Variants in MRPL22 observed in about 807,000 individuals in gnomAD.
MRPL22 encodes mitochondrial ribosomal protein L22.
Under a neutral mutation model 32.4 loss-of-function variants are expected in MRPL22, and 27 were observed. That is an observed-to-expected ratio of 0.83 (90% CI 0.61 to 1.15). The LOEUF is 1.15. Ranked by LOEUF, MRPL22 falls within the 50% of genes most tolerant of loss-of-function variation. The pLI is 0.00. For missense variants in MRPL22, 239 were observed against 260.2 expected (o/e 0.92, Z 0.56); for synonymous variants, 86 against 87.3 (o/e 0.99, Z 0.08).
intron 2 of MRPL22, among the ~76,000 whole-genome samples, chr5:154,949,120 T>G (rs1240587248): frequency 6.6e-6 from 1 of 152,178 alleles, no homozygotes; most frequent in African/African-American, 2.4e-5. Flanking sequence ...GCTTGAGATC[T>G]GCAATCAGCC....
chr5:154,951,053 G>A (rs1378977880), intron 3 of MRPL22, 115 bp downstream of exon 3: 1 of 689,416 alleles, frequency 1.5e-6, no homozygotes, highest in Non-Finnish European at 2.5e-6. Context: ...CACTCTAATT[G>A]ACAGAGAAGA....
chr5:154,952,123 C>T lies in MRPL22; in HGVS notation c.195+1185C>T, dbSNP rs530330858. 5.3e-5 allele frequency among the ~76,000 whole-genome samples: 8 copies of T among 152,140 alleles called. No homozygotes were observed. The South Asian group carries it at 6.2e-4, about 12-fold the overall frequency. ...GTCTCGATCTCCTGACCTCATGATCCGCCTGCCTCGGCCTCCCAAAGTGCT... is the reference window on the plus strand; with the variant it reads ...GTCTCGATCTCCTGACCTCATGATCTGCCTGCCTCGGCCTCCCAAAGTGCT... On this transcript the variant is annotated intron_variant, in intron 3 of 6. Coordinates refer to ENST00000523037, the MANE Select transcript of MRPL22 (RefSeq NM_014180.4).
rs746252366 is a variant in MRPL22, at chr5:154,960,054, G to C, written c.409+5G>C. 7 of 1,584,866 alleles carry C rather than the reference G, an allele frequency of 4.4e-6. No homozygotes were observed. The Admixed American group carries it at 1.0e-4, about 23-fold the overall frequency. ...TCAGGTCCAATTTATATATAGGTAA[G>C]ATTTTTAATATTCTTAGCATTAGAA... On this transcript the variant is annotated splice_donor_5th_base_variant and intron_variant, in intron 6 of 6. Transcript: ENST00000523037.
At position 154,968,395 on chromosome 5, in the gene MRPL22, G is replaced by T. The variant is rs988264226; in HGVS notation, c.*1498G>T. On this transcript the variant is annotated 3_prime_UTR_variant, in exon 7 of 7. Coordinates refer to ENST00000523037, the MANE Select transcript of MRPL22 (RefSeq NM_014180.4). ...AAAGGTAACCTTCATTCTAGTCTGT[G>T]CATTCTCATTAGCCAGAAAGAAGAC... The T allele has an allele frequency of 6.6e-6, 1 of 152,220 alleles. No individual in the cohort carries two copies. Among genetic ancestry groups the T allele is most frequent in the African/African-American group, 2.4e-5 (1 of 41,446 alleles). 9.4% of individuals were successfully genotyped at this position (152,220 alleles called of 1,614,324 possible).
intron 6 of MRPL22, among the ~76,000 whole-genome samples, chr5:154,964,551 C>T (rs775090256): frequency 2.6e-5 from 4 of 152,094 alleles, no homozygotes; most frequent in Admixed American, 1.3e-4. Flanking sequence ...ATTCCCATTA[C>T]GGTGTATTAA....
chr5:154,947,405 A>G (rs1341272216), intron 2 of MRPL22, among the ~76,000 whole-genome samples: 1 of 152,158 alleles, frequency 6.6e-6, no homozygotes, highest in Non-Finnish European at 1.5e-5. Flanking sequence ...TGGCAAAGGT[A>G]TTGATTTTGT....
chr5:154,961,393 T>G (rs1056842524), intron 6 of MRPL22, among the ~76,000 whole-genome samples: 2 of 152,368 alleles, frequency 1.3e-5, no homozygotes, highest in African/African-American at 4.8e-5. Flanking sequence ...CTCTTGGTGA[T>G]TCTTCCTGCT....
At chr5:154,950,243 G>A (rs1764541959) in intron 2 of MRPL22, among the ~76,000 whole-genome samples, 1 of 152,130 alleles carries the variant, frequency 6.6e-6, no homozygotes. Context: ...AAACTGCCCA[G>A]CGATCTAATC....
In MRPL22 at chr5:154,950,820, G is replaced by T. The variant is rs781021559; in HGVS notation, c.78-1G>T. On this transcript the variant is annotated splice_acceptor_variant, in intron 2 of 6. Transcript: ENST00000523037. LOFTEE classifies it high-confidence loss of function. ...TTTTATAGGCTTCTTTCATTTCACAGTGTTTTACCTCAATCATATATCCAC... is the reference window on the plus strand; with the variant it reads ...TTTTATAGGCTTCTTTCATTTCACATTGTTTTACCTCAATCATATATCCAC... 6.3e-7 allele frequency: 1 copy of T among 1,589,018 alleles called. No homozygotes were observed. The highest frequency in any genetic ancestry group is 8.6e-7 in the Non-Finnish European group (1 of 1,157,700).
chr5:154,948,011 T>C (rs1017722165), intron 2 of MRPL22, among the ~76,000 whole-genome samples: 1 of 152,234 alleles, frequency 6.6e-6, no homozygotes. Context: ...GTCTAGATTA[T>C]GAAAGGCCTT....
At chr5:154,943,875 G>T in intron 2 of MRPL22, among the ~76,000 whole-genome samples, 1 of 151,900 alleles carries the variant, frequency 6.6e-6, no homozygotes, top group Non-Finnish European at 1.5e-5. Flanking sequence ...ATATTGCCCG[G>T]CTGGTCTGAA....
chr5:154,956,878 C>A, intron 4 of MRPL22: 1 of 420,456 alleles, frequency 2.4e-6, no homozygotes, highest in Non-Finnish European at 4.2e-6. Flanking sequence ...TGTTACCAAC[C>A]TGTGGTCTCT....
intron 5 of MRPL22, among the ~76,000 whole-genome samples, chr5:154,959,424 G>C (rs1441172377): frequency 6.6e-6 from 1 of 152,088 alleles, no homozygotes; most frequent in East Asian, 1.9e-4. Flanking sequence ...GCTCACTGCA[G>C]CCTCCACCTC....
At chr5:154,946,611 C>G (rs943451758) in intron 2 of MRPL22, among the ~76,000 whole-genome samples, 12 of 149,872 alleles carry the variant, frequency 8.0e-5, no homozygotes, top group Admixed American at 6.7e-5. Context: ...GTCAGGAGTT[C>G]AAGACCAGCC....
rs539003812 is a variant in MRPL22, at chr5:154,946,205, G to A, written c.78-4616G>A. On this transcript the variant is annotated intron_variant, in intron 2 of 6. Transcript: ENST00000523037. ...ATCTTTCAGATTGGTTTGTAGCAAA[G>A]GGGTTCATGTTTCTGTCATGCTGTT... Among the ~76,000 whole-genome samples, 671 of 152,234 alleles carry A rather than the reference G, an allele frequency of 4.4e-3. 3 individuals are homozygous for A. The highest frequency in any genetic ancestry group is 7.8e-3 in the Non-Finnish European group (530 of 68,012).
chr5:154,964,066 G>A (rs1764736978), intron 6 of MRPL22, among the ~76,000 whole-genome samples: 1 of 152,180 alleles, frequency 6.6e-6, no homozygotes, highest in Admixed American at 6.5e-5. Flanking sequence ...ACTGAACATG[G>A]CAGGCTGTGT....
At chr5:154,942,155 A>G (rs1184001126) in intron 2 of MRPL22, among the ~76,000 whole-genome samples, 3 of 152,150 alleles carry the variant, frequency 2.0e-5, no homozygotes, top group Non-Finnish European at 4.4e-5. Context: ...TATGTTGCCC[A>G]TGCTGGTCTC....
At position 154,941,126 on chromosome 5, in the gene MRPL22, C is replaced by T. The variant is rs1764407536; in HGVS notation, c.16C>T (p.Leu6=). The change falls in exon 1 of 7, where the codon CTG becomes TTG. Residue 6 remains leucine (L), a synonymous_variant. Transcript: ENST00000523037. The stretch of plus-strand genomic sequence containing the variant: ...AGGGCGAAAGATGGCGGCGGCAGTA[C>T]TGGGACAGTTGGGTAAGGATTTCTT... MAAAV[L]GQLGALWIHN... is the part of the protein sequence containing the mutation. 6.2e-7 allele frequency: 1 copy of T among 1,613,946 alleles called. No individual in the cohort carries two copies. The highest frequency in any genetic ancestry group is 2.2e-5 in the East Asian group (1 of 44,902).
intron 6 of MRPL22, among the ~76,000 whole-genome samples, chr5:154,960,732 G>A (rs1159305180): frequency 1.3e-5 from 2 of 152,214 alleles, no homozygotes; most frequent in Non-Finnish European, 2.9e-5. Context: ...TTTCTGAGAA[G>A]GAGATTAATG....
Sources: gnomAD v4.1 joint callset for allele counts (sites outside exome capture counted in the v4.1 genomes callset) on GRCh38, gnomAD v4.1.1 for gene constraint, MANE v1.5 for transcripts, NCBI Gene and HGNC (gene_info 2026-07-23, HGNC 2026-07-21) for gene names.